Variants in FAT3 observed in about 807,000 individuals in gnomAD.
FAT3 encodes the protein protocadherin Fat 3.
Under a neutral mutation model 310.2 loss-of-function variants are expected in FAT3, and 95 were observed. The observed-to-expected ratio is 0.31, with a 90% CI of 0.26 to 0.36. The LOEUF is 0.36. Among genes scored for constraint, FAT3 ranks in the 10% least tolerant of loss-of-function variants. The probability of loss-of-function intolerance (pLI) is 1.00; values close to 1 mark genes in which losing one functional copy is unlikely to be tolerated. For synonymous variants in FAT3, 2,314 were observed against 2,192.9 expected (o/e 1.06, Z -1.54); for missense variants, 5,408 against 5,715.6 (o/e 0.95, Z 1.74).
At chr11:92,416,533 T>G (rs1443808177) in intron 2 of FAT3, among the ~76,000 whole-genome samples, 1 of 152,202 alleles carries the variant, frequency 6.6e-6, no homozygotes, top group Non-Finnish European at 1.5e-5. Flanking sequence ...TTTTCTCTAA[T>G]TGGGAAAATG....
intron 1 of FAT3, among the ~76,000 whole-genome samples, chr11:92,319,251 C>A (rs971722381): frequency 6.6e-6 from 1 of 152,090 alleles, no homozygotes; most frequent in Non-Finnish European, 1.5e-5. Context: ...GGTTTTCTTT[C>A]GTTGTTCAAG....
chr11:92,798,814 C>T lies in FAT3; in HGVS notation c.5801C>T (p.Ser1934Leu), dbSNP rs1243045404. ...EGSLDHFLID[S>L]NSGVLTIKNN... The stretch of plus-strand genomic sequence containing the variant: ...AGTTTGGATCATTTTTTAATTGACT[C>T]AAACAGTGGAGTACTTACCATAAAA... Residue 1934 changes from serine (S) to leucine (L), a missense_variant, in exon 10 of 28, where the codon TCA becomes TTA. Ser to Leu is a moderately radical substitution (Grantham distance 145, BLOSUM62 -2). This residue lies in a region of FAT3 where 4,588 missense variants were observed against 4,809.8 expected (regional missense o/e 0.95). Coordinates refer to ENST00000525166, the MANE Select transcript of FAT3 (RefSeq NM_001367949.2). 1 of 1,613,840 alleles carries T rather than the reference C, an allele frequency of 6.2e-7. No homozygotes were observed. Among genetic ancestry groups the T allele is most frequent in the Non-Finnish European group, 8.5e-7 (1 of 1,179,856 alleles).
intron 1 of FAT3, among the ~76,000 whole-genome samples, chr11:92,279,992 CT>C (rs1161751910): frequency 6.6e-6 from 1 of 152,090 alleles, no homozygotes; most frequent in Non-Finnish European, 1.5e-5. Flanking sequence ...TATTAATTGA[CT>C]TAAGTTTCTC....
At chr11:92,577,195 G>A (rs780688950) in intron 3 of FAT3, among the ~76,000 whole-genome samples, 2 of 151,778 alleles carry the variant, frequency 1.3e-5, no homozygotes, top group African/African-American at 4.8e-5. Context: ...TGCAACCTCC[G>A]CCTCCTGGGT....
At chr11:92,321,054 A>G (rs921642959) in intron 1 of FAT3, among the ~76,000 whole-genome samples, 1 of 152,174 alleles carries the variant, frequency 6.6e-6, no homozygotes, top group Non-Finnish European at 1.5e-5. Context: ...GAGATAGGAA[A>G]TTGTATAATT....
At chr11:92,677,279 C>T (rs1943316802) in intron 3 of FAT3, among the ~76,000 whole-genome samples, 1 of 152,188 alleles carries the variant, frequency 6.6e-6, no homozygotes, top group African/African-American at 2.4e-5. Flanking sequence ...TACAGAACTG[C>T]CCCATTTATA....
chr11:92,571,635 A>T (rs367588582), intron 3 of FAT3, among the ~76,000 whole-genome samples: 1 of 152,248 alleles, frequency 6.6e-6, no homozygotes, highest in Admixed American at 6.5e-5. Flanking sequence ...TTGAATACTC[A>T]CTTACGTGTC....
At chr11:92,730,389 G>C (rs1472767343) in intron 4 of FAT3, among the ~76,000 whole-genome samples, 3 of 152,120 alleles carry the variant, frequency 2.0e-5, no homozygotes, top group Admixed American at 2.0e-4. Flanking sequence ...CTGAGCTTTA[G>C]AGTTTGCAAT....
chr11:92,538,681 G>T lies in FAT3; in HGVS notation c.3607+13733G>T, dbSNP rs72974438. Among the ~76,000 whole-genome samples, 847 of 152,214 alleles carry T rather than the reference G, an allele frequency of 5.6e-3. 2 individuals are homozygous for T. Among genetic ancestry groups the T allele is most frequent in the Non-Finnish European group, 8.5e-3 (575 of 67,988 alleles). On this transcript the variant is annotated intron_variant, in intron 3 of 27. Transcript: ENST00000525166. ...CAATGCTAGGCACAGGGTGTACAAGGATGAATAAAACAAGGACTTTACCCC... is the reference window on the plus strand; with the variant it reads ...CAATGCTAGGCACAGGGTGTACAAGTATGAATAAAACAAGGACTTTACCCC...
chr11:92,242,507 A>G (rs536705981), intron 1 of FAT3, among the ~76,000 whole-genome samples: 56 of 152,060 alleles, frequency 3.7e-4, no homozygotes, highest in African/African-American at 1.2e-3. Context: ...TCACTGACTC[A>G]TAAATGTTCT....
At chr11:92,527,968 A>G (rs1166646281) in intron 3 of FAT3, among the ~76,000 whole-genome samples, 1 of 152,176 alleles carries the variant, frequency 6.6e-6, no homozygotes, top group East Asian at 1.9e-4. Flanking sequence ...CCTCTGCTGT[A>G]CAGTTGGAAT....
At chr11:92,289,299 A>G (rs1264653106) in intron 1 of FAT3, among the ~76,000 whole-genome samples, 1 of 152,048 alleles carries the variant, frequency 6.6e-6, no homozygotes, top group East Asian at 1.9e-4. Context: ...ATATTTTAGT[A>G]CACTTATGCT....
At chr11:92,678,430 C>T (rs532745259) in intron 3 of FAT3, among the ~76,000 whole-genome samples, 7 of 152,174 alleles carry the variant, frequency 4.6e-5, no homozygotes, top group Middle Eastern at 3.4e-3. Flanking sequence ...ACCTCCAGAC[C>T]CTATTCTCCA....
At position 92,866,852 on chromosome 11, in the gene FAT3, C is replaced by T. The variant is rs1219435067; in HGVS notation, c.11770C>T (p.Leu3924Phe). ...DGSWHSVFLE[L>F]NRNFTSLSLD... ...GAGCTGGCACTCGGTCTTCCTGGAG[C>T]TCAACCGCAATTTCACGAGCCTGTC... The change falls in exon 22 of 28, where the codon CTC (leucine) becomes TTC (phenylalanine). Residue 3924 changes from leucine to phenylalanine, a missense_variant. Physicochemically the swap from Leu to Phe is conservative, Grantham distance 22. Coordinates refer to ENST00000525166, the MANE Select transcript of FAT3 (RefSeq NM_001367949.2). 12 of 1,613,844 alleles carry T rather than the reference C, an allele frequency of 7.4e-6. No individual in the cohort carries two copies. The highest frequency in any genetic ancestry group is 9.3e-6 in the Non-Finnish European group (11 of 1,179,892).
At chr11:92,528,749 G>A (rs1953966219) in intron 3 of FAT3, among the ~76,000 whole-genome samples, 1 of 152,168 alleles carries the variant, frequency 6.6e-6, no homozygotes, top group Non-Finnish European at 1.5e-5. Flanking sequence ...TGGGGAGCAG[G>A]GGTGGAAATT....
chr11:92,291,620 A>G (rs2212389), intron 1 of FAT3, among the ~76,000 whole-genome samples: 106,106 of 151,924 alleles, frequency 0.7, 37,438 homozygotes, highest in African/African-American at 0.77. Flanking sequence ...ATTGTATTCT[A>G]GTGGCCAAAA....
chr11:92,542,368 A>G (rs558702982), intron 3 of FAT3, among the ~76,000 whole-genome samples: 1 of 152,202 alleles, frequency 6.6e-6, no homozygotes, highest in East Asian at 1.9e-4. Context: ...TTCTGCACAG[A>G]AAAGGAGACA....
Position 92,354,770 on chromosome 11 carries a change from T to G in FAT3, c.2658T>G (p.Val886=), listed in dbSNP as rs1282045706. 6.2e-7 allele frequency: 1 copy of G among 1,613,944 alleles called. No homozygotes were observed. The highest frequency in any genetic ancestry group is 8.5e-7 in the Non-Finnish European group (1 of 1,179,864). The change falls in exon 2 of 28, where the codon GTT becomes GTG. Residue 886 remains valine, a synonymous_variant. Coordinates refer to ENST00000525166, the MANE Select transcript of FAT3 (RefSeq NM_001367949.2). ...CCATCAATAGCTCAACTGGAATCGT[T>G]TATGTAGCCGACCAGTTGGACCGGG... ...QFAINSSTGI[V]YVADQLDRES... is the part of the protein sequence containing the mutation.
rs754790982 is a variant in FAT3 at position 92,800,040 on chromosome 11, A to G, written c.7027A>G (p.Ser2343Gly). The G allele has an allele frequency of 5.0e-6, 8 of 1,613,996 alleles. No homozygotes were observed. The South Asian group carries it at 7.7e-5, about 16-fold the overall frequency. Reference protein sequence around the residue: ...STDYFHIDSSSGLILTARMLD... With the variant: ...STDYFHIDSSGGLILTARMLD... ...AGATTATTTTCACATAGATAGCTCA[A>G]GTGGCTTAATCCTGACAGCACGAAT... The change falls in exon 10 of 28, where the codon AGT becomes GGT. Residue 2343 changes from serine (S) to glycine (G), a missense_variant. Around this residue, in one of 5 missense-constraint regions of FAT3, gnomAD observed 4,588 missense variants for 4,809.8 expected, o/e 0.95. Coordinates refer to ENST00000525166, the MANE Select transcript of FAT3 (RefSeq NM_001367949.2).
Sources: gnomAD v4.1 joint callset for allele counts (sites outside exome capture counted in the v4.1 genomes callset) on GRCh38, gnomAD v4.1.1 for gene constraint, gnomAD v4.1.1 regional missense constraint, MANE v1.5 for transcripts, NCBI Gene and HGNC (gene_info 2026-07-23, HGNC 2026-07-21) for gene names.